The following IRS2 variants were observed in gnomAD, a reference collection of about 807,000 sequenced individuals.
IRS2 encodes the protein insulin receptor substrate 2.
Under a neutral mutation model 70.9 loss-of-function variants are expected in IRS2, and 28 were observed. The observed-to-expected ratio is 0.39, with a 90% CI of 0.29 to 0.54. The LOEUF is 0.54. Ranked by LOEUF, IRS2 falls within the 20% of genes least tolerant of loss-of-function variation. The pLI is 0.59. For missense variants in IRS2, 2,081 were observed against 2,024.1 expected, an observed-to-expected ratio of 1.03 and a Z score of -0.54; for synonymous variants, 1,217 against 981.9, an observed-to-expected ratio of 1.24 and a Z score of -4.48.
chr13:109,757,928 C>CA (rs149483469), intron 1 of IRS2, among the ~76,000 whole-genome samples: 11,799 of 152,274 alleles, frequency 0.077, 1,594 homozygotes, highest in African/African-American at 0.27. Flanking sequence ...GTGATCCACC[C>CA]ACTTAGGCCT....
Position 109,782,808 on chromosome 13 carries a change from G to A in IRS2, c.3246C>T (p.Thr1082=), listed in dbSNP as rs748277139. 7 of 1,596,988 alleles carry A rather than the reference G, an allele frequency of 4.4e-6. No individual in the cohort carries two copies. In the East Asian group the frequency reaches 9.1e-5, roughly 21 times the overall value. ...YTEMAFGVAA[T]PPQPIAAPPK... ...GGGGGGCCGCGATAGGTTGCGGCGGGGTGGCGGCCACACCAAAAGCCATCT... is the reference window on the plus strand; with the variant it reads ...GGGGGGCCGCGATAGGTTGCGGCGGAGTGGCGGCCACACCAAAAGCCATCT... The change falls in exon 1 of 2, where the codon ACC becomes ACT. Residue 1082 remains threonine, a synonymous_variant. Transcript: ENST00000375856.
intron 1 of IRS2, among the ~76,000 whole-genome samples, chr13:109,764,417 C>T (rs1877291179): frequency 6.6e-6 from 1 of 152,116 alleles, no homozygotes; most frequent in South Asian, 2.1e-4. Flanking sequence ...CCTGAATTCC[C>T]CAGTGGAGTC....
intron 1 of IRS2, among the ~76,000 whole-genome samples, chr13:109,764,613 A>G (rs1464300367): frequency 6.6e-6 from 1 of 152,164 alleles, no homozygotes; most frequent in African/African-American, 2.4e-5. Context: ...TGTGTTCTCA[A>G]CTACAGACTT....
chr13:109,774,654 CCTT>C (rs930589661), intron 1 of IRS2, among the ~76,000 whole-genome samples: 10 of 152,154 alleles, frequency 6.6e-5, no homozygotes, highest in African/African-American at 2.4e-4. Context: ...ACCCGACACT[CCTT>C]CTCCTTTTGG....
intron 1 of IRS2, among the ~76,000 whole-genome samples, chr13:109,778,478 T>C (rs959989660): frequency 1.3e-5 from 2 of 152,246 alleles, no homozygotes; most frequent in Non-Finnish European, 2.9e-5. Flanking sequence ...GCAGCAGCAG[T>C]GCACGCTATT....
In IRS2 at chr13:109,782,464, C is replaced by T; in HGVS notation, c.3590G>A (p.Gly1197Asp). Reference protein sequence around the residue: ...EGGVGVGPGGGDEPPTSPRQL... With the variant: ...EGGVGVGPGGDDEPPTSPRQL... The stretch of plus-strand genomic sequence containing the variant: ...TCGTGGGGAGGTGGGCGGCTCGTCG[C>T]CCCCTCCAGGGCCGACACCCACGCC... The change falls in exon 1 of 2, where the codon GGC (glycine) becomes GAC (aspartate). Residue 1197 changes from glycine to aspartate, a missense_variant. Physicochemically the swap from Gly to Asp is moderately conservative, Grantham distance 94. This residue lies in a region of IRS2 where 1,615 missense variants were observed against 1,459.5 expected (regional missense o/e 1.11). Transcript: ENST00000375856. The T allele has an allele frequency of 6.4e-7, 1 of 1,565,866 alleles. No individual in the cohort carries two copies. Among genetic ancestry groups the T allele is most frequent in the African/African-American group, 1.4e-5 (1 of 73,578 alleles).
chr13:109,784,520 C>G lies in IRS2; in HGVS notation c.1534G>C (p.Ala512Pro), dbSNP rs367592112. ...EYGSSPGDLRAFCSHRSNTPE... is the reference protein window; with the variant it reads ...EYGSSPGDLRPFCSHRSNTPE... ...GTGTTGCTTCGGTGGCTGCAGAAGG[C>G]GCGCAGGTCGCCTGGGCTGGAGCCG... Residue 512 changes from alanine to proline, a missense_variant, in exon 1 of 2, where the codon GCC (alanine) becomes CCC (proline). Ala to Pro is a conservative substitution (Grantham distance 27). Transcript: ENST00000375856. The surrounding 1 kb of genome is among the most constrained non-coding windows in gnomAD (Gnocchi z 5.2). The G allele has an allele frequency of 1.4e-5, 22 of 1,531,558 alleles. No individual in the cohort carries two copies. Among genetic ancestry groups the G allele is most frequent in the Middle Eastern group, 3.5e-4 (2 of 5,678 alleles). 94.9% of individuals were successfully genotyped at this position (1,531,558 alleles called of 1,614,324 possible). A position where few individuals can be genotyped will look rare whatever the true frequency, so the allele number is the denominator to read the frequency against.
intron 1 of IRS2, among the ~76,000 whole-genome samples, chr13:109,760,510 CTT>C (rs912998629): frequency 2.0e-5 from 3 of 152,208 alleles, no homozygotes; most frequent in African/African-American, 7.2e-5. Context: ...AACAAAAACA[CTT>C]TTAGCAGAGA....
chr13:109,781,869 T>G (rs1276411950), intron 1 of IRS2, among the ~76,000 whole-genome samples, 173 bp downstream of exon 1: 1 of 152,072 alleles, frequency 6.6e-6, no homozygotes, highest in East Asian at 1.9e-4. Flanking sequence ...CCTGGCAAGT[T>G]CTCTGAAGGA....
At position 109,785,021 on chromosome 13, in the gene IRS2, C is replaced by A. The variant is rs747212207; in HGVS notation, c.1033G>T (p.Asp345Tyr). ...GCCGGCGGGGTGGCGGCCAGGCTGT[C>A]GGTGCGCGAGCGGCGCACCAGGCCC... is the stretch of plus-strand genomic sequence containing the variant. Reference protein sequence around the residue: ...QTGLVRRSRTDSLAATPPAAK... With the variant: ...QTGLVRRSRTYSLAATPPAAK... Residue 345 changes from aspartate (D) to tyrosine (Y), a missense_variant, in exon 1 of 2, where the codon GAC (aspartate) becomes TAC (tyrosine). Physicochemically the swap from Asp to Tyr is radical, Grantham distance 160. Transcript: ENST00000375856. This position sits in a 1 kb window ranked among gnomAD's most constrained non-coding sequence, Gnocchi z 9.3. 6.8e-7 allele frequency: 1 copy of A among 1,475,410 alleles called. No individual in the cohort carries two copies. Among genetic ancestry groups the A allele is most frequent in the South Asian group, 1.3e-5 (1 of 75,034 alleles). 91.4% of individuals were successfully genotyped at this position (1,475,410 alleles called of 1,614,324 possible).
At chr13:109,769,617 G>A (rs1003058976) in intron 1 of IRS2, among the ~76,000 whole-genome samples, 3 of 152,092 alleles carry the variant, frequency 2.0e-5, no homozygotes, top group Non-Finnish European at 4.4e-5. Context: ...TTCATTGCTA[G>A]AGCATTTCAC....
intron 1 of IRS2, among the ~76,000 whole-genome samples, chr13:109,763,343 C>A (rs901371753): frequency 6.6e-6 from 1 of 152,194 alleles, no homozygotes; most frequent in South Asian, 2.1e-4. Context: ...CTGTTACAGA[C>A]CCTACTGAAA....
rs543264637 is a variant in IRS2 at position 109,784,842 on chromosome 13, G to A, written c.1212C>T (p.Thr404=). 23 of 1,241,862 alleles carry A rather than the reference G, an allele frequency of 1.9e-5. 1 individual carries two copies. The highest frequency in any genetic ancestry group is 6.3e-4 in the Middle Eastern group (2 of 3,152). The allele number at this position is 1,241,862 out of a possible 1,614,324, so 76.9% of individuals were successfully genotyped here. The part of the protein sequence containing the change: ...PVRAPLSRSH[T]LSGGCGGRGS... ...CGCGGCCGCCGCAGCCGCCGCTCAG[G>A]GTGTGCGAGCGGCTCAGGGGCGCGC... The change falls in exon 1 of 2, where the codon ACC becomes ACT. Residue 404 remains threonine, a synonymous_variant. Transcript: ENST00000375856. This position sits in a 1 kb window ranked among gnomAD's most constrained non-coding sequence, Gnocchi z 5.2.
rs1019316102 is a variant in IRS2 at position 109,782,159 on chromosome 13, C to T, written c.3895G>A (p.Val1299Ile). Residue 1299 changes from valine (V) to isoleucine (I), a missense_variant, in exon 1 of 2, where the codon GTC becomes ATC. Val to Ile is a conservative substitution (Grantham distance 29). Around this residue, in one of 4 missense-constraint regions of IRS2, gnomAD observed 1,615 missense variants for 1,459.5 expected, o/e 1.11. Coordinates refer to ENST00000375856, the MANE Select transcript of IRS2 (RefSeq NM_003749.3). ...SLGGLISAVG[V>I]GSTGGGCGGP... ...CCGCACCCGCCGCCGGTGCTGCCGA[C>T]GCCCACAGCGCTGATGAGACCCCCG... is the stretch of plus-strand genomic sequence containing the variant. The T allele has an allele frequency of 1.2e-5, 19 of 1,606,100 alleles. No homozygotes were observed. Among genetic ancestry groups the T allele is most frequent in the African/African-American group, 4.0e-5 (3 of 74,808 alleles).
Position 109,785,058 on chromosome 13 carries a change from G to A in IRS2, c.996C>T (p.Pro332=), listed in dbSNP as rs1346601184. Residue 332 remains proline (P), a synonymous_variant, in exon 1 of 2, where the codon CCC becomes CCT. Transcript: ENST00000375856. This position sits in a 1 kb window ranked among gnomAD's most constrained non-coding sequence, Gnocchi z 9.3. The stretch of plus-strand genomic sequence containing the variant: ...GGCGCACCAGGCCCGTCTGGCTGGG[G>A]GGCAGGTTGACCAGGTGGTGGTGGC... ...ARRHHHLVNL[P]PSQTGLVRRS... The A allele has an allele frequency of 2.6e-6, 4 of 1,563,430 alleles. No individual in the cohort carries two copies. The highest frequency in any genetic ancestry group is 1.7e-4 in the Middle Eastern group (1 of 5,720).
Position 109,782,926 on chromosome 13 carries a change from C to A in IRS2, c.3128G>T (p.Arg1043Leu). ...GGCAACGGCCGAGGCGGGGGGCAGG[C>A]GGTACAGCTCCCCCGGGGCCGGCGG... is the stretch of plus-strand genomic sequence containing the variant. ...PPPPAPGELY[R>L]LPPASAVATA... Residue 1043 changes from arginine to leucine, a missense_variant, in exon 1 of 2, where the codon CGC (arginine) becomes CTC (leucine). By Grantham distance (102) the Arg-to-Leu change is moderately radical. Transcript: ENST00000375856. 6.6e-7 allele frequency: 1 copy of A among 1,517,918 alleles called. No homozygotes were observed. Among genetic ancestry groups the A allele is most frequent in the African/African-American group, 1.5e-5 (1 of 68,586 alleles). The allele number at this position is 1,517,918 out of a possible 1,614,324, so 94.0% of individuals were successfully genotyped here.
rs564708864 is a variant in IRS2 at position 109,753,280 on chromosome 13, T to A, written c.*3024A>T. The A allele has an allele frequency of 6.6e-6, 1 of 152,484 alleles. No homozygotes were observed. Among genetic ancestry groups the A allele is most frequent in the South Asian group, 2.1e-4 (1 of 4,822 alleles). 9.4% of individuals were successfully genotyped at this position (152,484 alleles called of 1,614,324 possible). Reference sequence around the variant, plus strand: ...CCGGCCGGAGGAAGCATTCTTAATGTATGCATTGGTACATCTTCTGTGTGC... The same window carrying A: ...CCGGCCGGAGGAAGCATTCTTAATGAATGCATTGGTACATCTTCTGTGTGC... On this transcript the variant is annotated 3_prime_UTR_variant, in exon 2 of 2. Coordinates refer to ENST00000375856, the MANE Select transcript of IRS2 (RefSeq NM_003749.3).
intron 1 of IRS2, among the ~76,000 whole-genome samples, chr13:109,778,386 C>T (rs892016193): frequency 6.6e-6 from 1 of 152,190 alleles, no homozygotes; most frequent in Admixed American, 6.5e-5. Flanking sequence ...ATAAAGGAAA[C>T]AGAACAAGTC....
chr13:109,784,716 G>A lies in IRS2; in HGVS notation c.1338C>T (p.Gly446=), dbSNP rs1877858823. 1.7e-5 allele frequency: 21 copies of A among 1,237,986 alleles called. No homozygotes were observed. Among genetic ancestry groups the A allele is most frequent in the Non-Finnish European group, 2.0e-5 (20 of 992,448 alleles). 76.7% of individuals were successfully genotyped at this position (1,237,986 alleles called of 1,614,324 possible). Residue 446 remains glycine, a synonymous_variant, in exon 1 of 2, where the codon GGC becomes GGT. Coordinates refer to ENST00000375856, the MANE Select transcript of IRS2 (RefSeq NM_003749.3). This position sits in a 1 kb window ranked among gnomAD's most constrained non-coding sequence, Gnocchi z 5.2. ...CGTGGCCGCTGCTGGACGACAGGGA[G>A]CCGGGGCTGGTGGCGGCGGGCGGCG... ...AHSPPAATSP[G]SLSSSSGHGS...
Sources: allele counts gnomAD v4.1 joint callset (sites outside exome capture counted in the v4.1 genomes callset), GRCh38; gene constraint gnomAD v4.1.1; regional missense constraint gnomAD v4.1.1; non-coding constraint Gnocchi (gnomAD v3.1); transcripts MANE v1.5; gene names NCBI Gene and HGNC (gene_info 2026-07-23, HGNC 2026-07-21).